ROR1: variants seen among roughly 807,000 people sequenced by gnomAD.
ROR1 encodes inactive tyrosine-protein kinase transmembrane receptor ROR1.
Under a neutral mutation model 78.8 loss-of-function variants are expected in ROR1, and 19 were observed. The observed-to-expected ratio is 0.24, with a 90% CI of 0.17 to 0.35. ROR1 has a LOEUF of 0.35. ROR1 is among the 10% of genes least tolerant of loss of function. The probability of loss-of-function intolerance (pLI) is 1.00; values close to 1 mark genes in which losing one functional copy is unlikely to be tolerated. For missense variants in ROR1, 917 were observed against 1,177.8 expected (o/e 0.78, Z 3.24); for synonymous variants, 386 against 433.6 (o/e 0.89, Z 1.36).
intron 7 of ROR1, among the ~76,000 whole-genome samples, chr1:64,151,735 T>C (rs12139459): frequency 0.026 from 3,475 of 135,868 alleles, 57 homozygotes; most frequent in Non-Finnish European, 0.038. Context: ...AAAAAAAAAA[T>C]TAGCCGGGTG....
intron 1 of ROR1, among the ~76,000 whole-genome samples, chr1:63,848,131 G>A (rs567099174): frequency 3.9e-5 from 6 of 152,196 alleles, no homozygotes; most frequent in South Asian, 2.1e-4. Flanking sequence ...GCCACTTGTC[G>A]CTCTCTGTTA....
chr1:63,978,875 C>T (rs924398003), intron 1 of ROR1, among the ~76,000 whole-genome samples: 3 of 152,122 alleles, frequency 2.0e-5, no homozygotes, highest in Non-Finnish European at 2.9e-5. Context: ...CTGTGGGGTG[C>T]GCTGGCAGGT....
intron 2 of ROR1, among the ~76,000 whole-genome samples, chr1:64,029,422 C>T (rs1019262978): frequency 1.3e-5 from 2 of 152,162 alleles, no homozygotes; most frequent in African/African-American, 4.8e-5. Flanking sequence ...TTGGTCTTTA[C>T]CCATTGATTC....
At chr1:63,937,693 A>G (rs1645804596) in intron 1 of ROR1, among the ~76,000 whole-genome samples, 1 of 152,182 alleles carries the variant, frequency 6.6e-6, no homozygotes, top group South Asian at 2.1e-4. Flanking sequence ...CTGAAGGTGC[A>G]GGTGGTTTTG....
chr1:63,862,835 C>T (rs1032692174), intron 1 of ROR1, among the ~76,000 whole-genome samples: 5 of 152,002 alleles, frequency 3.3e-5, no homozygotes, highest in South Asian at 2.1e-4. Context: ...TTAAGGTTAC[C>T]GTGAGGATTA....
At chr1:63,827,679 C>T (rs1268802042) in intron 1 of ROR1, among the ~76,000 whole-genome samples, 1 of 152,114 alleles carries the variant, frequency 6.6e-6, no homozygotes, top group East Asian at 1.9e-4. Context: ...AAAGGAAGAC[C>T]GAGGCTGGAT....
intron 1 of ROR1, among the ~76,000 whole-genome samples, chr1:63,862,721 A>C (rs1166057781): frequency 6.6e-6 from 1 of 152,026 alleles, no homozygotes; most frequent in Non-Finnish European, 1.5e-5. Flanking sequence ...TCTGCCTCTC[A>C]GTATAGGTGG....
chr1:63,849,570 C>T (rs1386438281), intron 1 of ROR1, among the ~76,000 whole-genome samples: 2 of 151,978 alleles, frequency 1.3e-5, no homozygotes, highest in African/African-American at 2.4e-5. Context: ...GTGGGGTGGG[C>T]GCCTGTGGTC....
intron 1 of ROR1, among the ~76,000 whole-genome samples, chr1:63,904,217 G>T (rs536130929): frequency 6.6e-6 from 1 of 152,104 alleles, no homozygotes; most frequent in Non-Finnish European, 1.5e-5. Context: ...TGTGGATTAC[G>T]GGTTTCTAGA....
At chr1:64,118,502 C>G (rs1361720721) in intron 4 of ROR1, among the ~76,000 whole-genome samples, 1 of 151,798 alleles carries the variant, frequency 6.6e-6, no homozygotes, top group Non-Finnish European at 1.5e-5. Context: ...TGGTGCATGC[C>G]TGTAATCCCA....
At chr1:64,109,115 A>G (rs1191948614) in intron 4 of ROR1, among the ~76,000 whole-genome samples, 2 of 152,088 alleles carry the variant, frequency 1.3e-5, no homozygotes, top group South Asian at 4.1e-4. Context: ...GGCAATCTGC[A>G]TCTTTAGTCC....
intron 4 of ROR1, among the ~76,000 whole-genome samples, chr1:64,071,264 G>C (rs1407152677): frequency 1.3e-5 from 2 of 152,154 alleles, no homozygotes; most frequent in East Asian, 3.9e-4. Context: ...ATTTACAATG[G>C]GAAGAGCACT....
intron 1 of ROR1, among the ~76,000 whole-genome samples, chr1:63,977,074 G>T (rs755560784): frequency 6.6e-6 from 1 of 152,066 alleles, no homozygotes; most frequent in Non-Finnish European, 1.5e-5. Flanking sequence ...TGAAGTGGGG[G>T]GAAAGCCCCT....
intron 1 of ROR1, among the ~76,000 whole-genome samples, chr1:63,806,245 G>T (rs1268676544): frequency 6.6e-6 from 1 of 152,064 alleles, no homozygotes; most frequent in Non-Finnish European, 1.5e-5. Flanking sequence ...CTGGAACAAG[G>T]GTACTGCTCT....
chr1:64,014,769 T>TAC lies in ROR1; in HGVS notation c.163+5394_163+5395insCA, dbSNP rs1273770371. 2.7e-3 allele frequency among the ~76,000 whole-genome samples: 129 copies of TAC among 47,752 alleles called. 30 individuals carry two copies. The Middle Eastern group carries it at 0.034, about 13-fold the overall frequency. The allele number at this position is 47,752 out of a possible 152,430, so 31.3% of individuals were successfully genotyped here. On this transcript the variant is annotated intron_variant, in intron 2 of 8. Transcript: ENST00000371079. ...ATATATATATATATATATATATATATATATACACATTTTGTCCTGGTTTGC... is the reference window on the plus strand; with the variant it reads ...ATATATATATATATATATATATATATACATATACACATTTTGTCCTGGTTTGC...
At chr1:63,923,515 C>T (rs1462161258) in intron 1 of ROR1, among the ~76,000 whole-genome samples, 1 of 151,806 alleles carries the variant, frequency 6.6e-6, no homozygotes, top group African/African-American at 2.4e-5. Flanking sequence ...TTCTCTTTCC[C>T]TCTCCTCTCA....
chr1:64,022,708 G>A (rs1273505267), intron 2 of ROR1, among the ~76,000 whole-genome samples: 1 of 152,096 alleles, frequency 6.6e-6, no homozygotes, highest in Non-Finnish European at 1.5e-5. Flanking sequence ...TGATAATGTT[G>A]TGCTTCGTAA....
chr1:64,150,359 G>T (rs779048272), intron 7 of ROR1, among the ~76,000 whole-genome samples: 2 of 152,108 alleles, frequency 1.3e-5, no homozygotes, highest in Non-Finnish European at 2.9e-5. Flanking sequence ...GCCAAAGGGC[G>T]CATTGCCCAG....
At chr1:63,969,881 T>C (rs548665193) in intron 1 of ROR1, among the ~76,000 whole-genome samples, 1 of 152,302 alleles carries the variant, frequency 6.6e-6, no homozygotes, top group African/African-American at 2.4e-5. Context: ...CCTGCCTGGC[T>C]GCCCACTGCC....
Sources: allele counts gnomAD v4.1 joint callset (sites outside exome capture counted in the v4.1 genomes callset), GRCh38; gene constraint gnomAD v4.1.1; transcripts MANE v1.5; gene names NCBI Gene and HGNC (gene_info 2026-07-23, HGNC 2026-07-21).